Variants in PBX1 observed in about 807,000 individuals in gnomAD.
PBX1 encodes PBX homeobox 1.
Under a neutral mutation model 53.4 loss-of-function variants are expected in PBX1, and 6 were observed. The observed-to-expected ratio is 0.11, with a 90% CI of 0.06 to 0.22. PBX1 has a LOEUF of 0.22. Ranked by LOEUF, PBX1 falls within the 10% of genes least tolerant of loss-of-function variation. PBX1 has a pLI of 1.00. For synonymous variants in PBX1, 204 were observed against 212.3 expected (o/e 0.96, Z 0.34); for missense variants, 251 against 551.4 (o/e 0.46, Z 5.46).
At chr1:164,652,648 G>T (rs1245192625) in intron 2 of PBX1, among the ~76,000 whole-genome samples, 1 of 152,038 alleles carries the variant, frequency 6.6e-6, no homozygotes, top group Non-Finnish European at 1.5e-5. Flanking sequence ...TTTGTCAAGA[G>T]GTGGGAGGAA....
chr1:164,728,914 T>C (rs919257378), intron 2 of PBX1, among the ~76,000 whole-genome samples: 8 of 152,228 alleles, frequency 5.3e-5, no homozygotes, highest in African/African-American at 1.7e-4. Flanking sequence ...CAGGAGGAAT[T>C]TGATACGCCA....
chr1:164,663,804 A>T (rs1660652170), intron 2 of PBX1, among the ~76,000 whole-genome samples: 1 of 152,224 alleles, frequency 6.6e-6, no homozygotes, highest in Admixed American at 6.5e-5. Context: ...GTTAGGGGTG[A>T]ACCCCAGGCC....
chr1:164,875,988 G>GTGTATATATATA (rs776802784), intron 2 of PBX1, among the ~76,000 whole-genome samples: 90 of 56,944 alleles, frequency 1.6e-3, no homozygotes, highest in African/African-American at 3.4e-3. Flanking sequence ...TGGTGTATGT[G>GTGTATATATATA]TATATATATA....
intron 2 of PBX1, among the ~76,000 whole-genome samples, chr1:164,640,482 A>T (rs1406224936): frequency 6.7e-6 from 1 of 150,158 alleles, no homozygotes; most frequent in Non-Finnish European, 1.5e-5. Context: ...CTGGGAAACG[A>T]TGTGATGACA....
chr1:164,760,014 C>G (rs1666725281), intron 2 of PBX1, among the ~76,000 whole-genome samples: 1 of 152,222 alleles, frequency 6.6e-6, no homozygotes, highest in Non-Finnish European at 1.5e-5. Flanking sequence ...CCCAAGCACG[C>G]AGCCACACGT....
intron 2 of PBX1, among the ~76,000 whole-genome samples, chr1:164,576,305 G>A (rs1462247605): frequency 2.0e-5 from 3 of 152,154 alleles, no homozygotes; most frequent in Non-Finnish European, 4.4e-5. Flanking sequence ...AGGGGTGGCC[G>A]CGAACCCCCT....
At chr1:164,723,064 C>T (rs1664495849) in intron 2 of PBX1, among the ~76,000 whole-genome samples, 1 of 152,150 alleles carries the variant, frequency 6.6e-6, no homozygotes, top group Non-Finnish European at 1.5e-5. Flanking sequence ...GAGCTCAATG[C>T]TCTCATTTTA....
intron 2 of PBX1, among the ~76,000 whole-genome samples, chr1:164,628,925 C>T (rs1276729862): frequency 6.6e-6 from 1 of 152,056 alleles, no homozygotes; most frequent in African/African-American, 2.4e-5. Flanking sequence ...TTTAAGTCTC[C>T]CTTTGCTCAT....
chr1:164,838,905 C>T lies in PBX1; in HGVS notation c.1201-7679C>T, dbSNP rs573486113. On this transcript the variant is annotated intron_variant, in intron 8 of 8. Coordinates refer to ENST00000420696, the MANE Select transcript of PBX1 (RefSeq NM_002585.4). ...GAGCAGCTGCTGTGTCAAACATGAG[C>T]CTAGTCCTGTAATGGCTTGTTGTTG... is the stretch of plus-strand genomic sequence containing the variant. Among the ~76,000 whole-genome samples, 20 of 152,308 alleles carry T rather than the reference C, an allele frequency of 1.3e-4. No individual in the cohort carries two copies. In the East Asian group the frequency reaches 3.1e-3, roughly 24 times the overall value.
intron 2 of PBX1, chr1:164,590,405 C>A (rs1049259324): frequency 1.5e-5 from 7 of 455,832 alleles, no homozygotes; most frequent in African/African-American, 1.2e-4. Flanking sequence ...CTTGCTTCTT[C>A]CCAATCGCCG....
intron 2 of PBX1, among the ~76,000 whole-genome samples, chr1:164,652,570 G>A (rs1235646701): frequency 6.6e-6 from 1 of 152,126 alleles, no homozygotes; most frequent in Non-Finnish European, 1.5e-5. Flanking sequence ...AGAGAAGAGG[G>A]TTACATTTCA....
intron 2 of PBX1, among the ~76,000 whole-genome samples, chr1:164,757,650 A>G (rs534159422): frequency 6.6e-6 from 1 of 152,356 alleles, no homozygotes; most frequent in South Asian, 2.1e-4. Flanking sequence ...GGGTATTGAC[A>G]AGGAATAAGA....
chr1:164,791,062 C>T (rs577148493), intron 2 of PBX1, among the ~76,000 whole-genome samples: 113 of 152,296 alleles, frequency 7.4e-4, no homozygotes, highest in African/African-American at 2.6e-3. Flanking sequence ...GACCCCTCTC[C>T]TCTGCCTTTA....
chr1:164,612,331 G>A (rs1401229146), intron 2 of PBX1, among the ~76,000 whole-genome samples: 1 of 152,218 alleles, frequency 6.6e-6, no homozygotes, highest in Non-Finnish European at 1.5e-5. Context: ...CAAATGCGTC[G>A]CCATTGAGCA....
At chr1:164,796,319 T>G (rs1668785453) in intron 3 of PBX1, among the ~76,000 whole-genome samples, 1 of 152,278 alleles carries the variant, frequency 6.6e-6, no homozygotes, top group East Asian at 1.9e-4. Flanking sequence ...TATAAGGTAT[T>G]TAAGAGCTGT....
At chr1:164,709,925 G>A (rs905222646) in intron 2 of PBX1, among the ~76,000 whole-genome samples, 1 of 152,316 alleles carries the variant, frequency 6.6e-6, no homozygotes, top group East Asian at 1.9e-4. Context: ...TGGAGATGGG[G>A]TGGGTGGCCA....
intron 2 of PBX1, among the ~76,000 whole-genome samples, chr1:164,735,970 A>T (rs1214091855): frequency 6.6e-6 from 1 of 152,176 alleles, no homozygotes; most frequent in Non-Finnish European, 1.5e-5. Flanking sequence ...TTGTTTGCTC[A>T]GGAGTCATTG....
intron 2 of PBX1, among the ~76,000 whole-genome samples, chr1:164,627,994 T>A (rs774715060): frequency 6.6e-6 from 1 of 152,192 alleles, no homozygotes; most frequent in African/African-American, 2.4e-5. Flanking sequence ...TCTGTACCTG[T>A]TTTAGATTCA....
chr1:164,606,008 T>C (rs922295528), intron 2 of PBX1, among the ~76,000 whole-genome samples: 14 of 152,188 alleles, frequency 9.2e-5, no homozygotes, highest in Admixed American at 9.2e-4. Context: ...TTTCCTGGAG[T>C]TGCACTCTCT....
Sources: gnomAD v4.1 joint callset for allele counts (sites outside exome capture counted in the v4.1 genomes callset) on GRCh38, gnomAD v4.1.1 for gene constraint, MANE v1.5 for transcripts, NCBI Gene and HGNC (gene_info 2026-07-23, HGNC 2026-07-21) for gene names.